The following C3 variants were observed in gnomAD, a reference collection of about 807,000 sequenced individuals.
C3 encodes C3 and PZP-like alpha-2-macroglobulin domain-containing protein 1.
In C3, 97 loss-of-function variants were observed where a neutral mutation model predicts 207.9. The ratio of observed to expected loss-of-function variants is 0.47; its 90% CI spans 0.40 to 0.55. C3 has a LOEUF of 0.55. Among genes scored for constraint, C3 ranks in the 20% least tolerant of loss-of-function variants. The pLI, the probability that C3 is intolerant of heterozygous loss-of-function variation, is 0.00. For missense variants in C3, 1,684 were observed against 2,171.7 expected, an observed-to-expected ratio of 0.78 and a Z score of 4.46; for synonymous variants, 848 against 857.6, an observed-to-expected ratio of 0.99 and a Z score of 0.20.
At chr19:6,718,501 G>C in intron 2 of C3, 89 bp from the exon 3 acceptor site, 2 of 1,487,438 alleles carry the variant, frequency 1.3e-6, no homozygotes, top group Non-Finnish European at 1.9e-6. Flanking sequence ...GTCCCTCCTT[G>C]CCTGCCCATT....
intron 36 of C3, among the ~76,000 whole-genome samples, chr19:6,679,854 C>T (rs1296976768): frequency 6.6e-6 from 1 of 152,076 alleles, no homozygotes; most frequent in African/African-American, 2.4e-5. Flanking sequence ...CCCATCAGAC[C>T]CCCAAGTCTC....
intron 15 of C3, 25 bp downstream of exon 15, chr19:6,707,775 C>T (rs1170540628): frequency 1.2e-6 from 2 of 1,612,098 alleles, no homozygotes; most frequent in Non-Finnish European, 1.7e-6. Context: ...TCTGTCCCTG[C>T]ACCGGCCCCT....
At chr19:6,715,619 G>GTTTTTTTTTTTT (rs375022094) in intron 4 of C3, among the ~76,000 whole-genome samples, 7 of 71,306 alleles carry the variant, frequency 9.8e-5, no homozygotes, top group Non-Finnish European at 1.8e-4. Flanking sequence ...TTTTTTTTTT[G>GTTTTTTTTTTTT]TTTTTTTTGT....
rs190553027 is a variant in C3 at position 6,694,788 on chromosome 19, C to T, written c.2951-154G>A. Among the ~76,000 whole-genome samples, 299 of 152,244 alleles carry T rather than the reference C, an allele frequency of 2.0e-3. 2 individuals are homozygous for T. The highest frequency in any genetic ancestry group is 1.9e-3 in the Non-Finnish European group (131 of 68,010). ...ATGTGACTGCGGGGAGGGGAGGCTG[C>T]ATGGCTGAGTGGCTGTTCGGGGGTC... is the stretch of plus-strand genomic sequence containing the variant. On this transcript the variant is annotated intron_variant, in intron 23 of 40. Transcript: ENST00000245907.
chr19:6,689,978 T>G (rs1918129182), intron 27 of C3, among the ~76,000 whole-genome samples: 1 of 151,976 alleles, frequency 6.6e-6, no homozygotes, highest in Non-Finnish European at 1.5e-5. Context: ...TGAGACTCCA[T>G]CACAAAAAAT....
chr19:6,682,154 A>T lies in C3; in HGVS notation c.4248T>A (p.Asp1416Glu), dbSNP rs1917881226. 2 of 1,613,452 alleles carry T rather than the reference A, an allele frequency of 1.2e-6. No homozygotes were observed. Among genetic ancestry groups the T allele is most frequent in the Non-Finnish European group, 1.7e-6 (2 of 1,179,528 alleles). Residue 1416 changes from aspartate (D) to glutamate (E), a missense_variant, in exon 34 of 41, where the codon GAT (aspartate) becomes GAA (glutamate). By Grantham distance (45) the Asp-to-Glu change is conservative (BLOSUM62 2). Transcript: ENST00000245907. The stretch of plus-strand genomic sequence containing the variant: ...GAGCCCTTCATACCTGCTTCAGGTC[A>T]TCTGTGTCTGGAGCAAAGCCAGTCA... ...SMMTGFAPDT[D>E]DLKQLANGVD...
intron 36 of C3, 195 bp downstream of exon 36, chr19:6,679,963 T>G (rs1917817895): frequency 1.7e-6 from 1 of 590,588 alleles, no homozygotes; most frequent in East Asian, 3.2e-5. Flanking sequence ...ACCATCATTC[T>G]CAGATCCCCT....
chr19:6,697,365 G>A lies in C3; in HGVS notation c.2775C>T (p.Val925=). The part of the protein sequence containing the change: ...AVYHHFISDG[V]RKSLKVVPEG... ...TCACCACGACCTTCAGGGACTTCCTGACACCGTCACTGATGAAATGATGGT... is the reference window on the plus strand; with the variant it reads ...TCACCACGACCTTCAGGGACTTCCTAACACCGTCACTGATGAAATGATGGT... The change falls in exon 21 of 41, where the codon GTC becomes GTT. Residue 925 remains valine (V), a synonymous_variant. Transcript: ENST00000245907. 1 of 1,613,922 alleles carries A rather than the reference G, an allele frequency of 6.2e-7. No homozygotes were observed. The highest frequency in any genetic ancestry group is 8.5e-7 in the Non-Finnish European group (1 of 1,179,858).
Position 6,677,725 on chromosome 19 carries a change from G to A in C3, c.*157C>T. On this transcript the variant is annotated 3_prime_UTR_variant, in exon 41 of 41. Transcript: ENST00000245907. ...TCAGCACACTAGCAGGCGAACGCCA[G>A]GAGAAAATGCGGTGGGAACAGGTGA... The A allele has an allele frequency of 1.1e-6, 1 of 929,602 alleles. No individual in the cohort carries two copies. The highest frequency in any genetic ancestry group is 2.6e-5 in the East Asian group (1 of 38,122). 57.6% of individuals were successfully genotyped at this position (929,602 alleles called of 1,614,324 possible).
At chr19:6,696,196 C>A (rs1016244356) in intron 23 of C3, among the ~76,000 whole-genome samples, 183 bp downstream of exon 23, 1 of 144,066 alleles carries the variant, frequency 6.9e-6, no homozygotes, top group Non-Finnish European at 1.5e-5. Context: ...GGTGACAGAG[C>A]CAGACTCTGT....
Position 6,683,260 on chromosome 19 carries a change from T to C in C3, c.4173-1031A>G, listed in dbSNP as rs527395335. On this transcript the variant is annotated intron_variant, in intron 33 of 40. Coordinates refer to ENST00000245907, the MANE Select transcript of C3 (RefSeq NM_000064.4). ...AAGATGTTTACTCCATGTTGTAAAT[T>C]ATACAAAGAGAAGAAGGCAAGCATT... The C allele has an allele frequency of 3.9e-5, 6 of 152,024 alleles. No homozygotes were observed. In the South Asian group the frequency reaches 8.3e-4, roughly 21 times the overall value. The allele number at this position is 152,024 out of a possible 1,614,324, so 9.4% of individuals were successfully genotyped here. A position where few individuals can be genotyped will look rare whatever the true frequency, so the allele number is the denominator to read the frequency against.
At chr19:6,702,444 G>T in intron 18 of C3, 27 bp downstream of exon 18, 2 of 1,469,032 alleles carry the variant, frequency 1.4e-6, no homozygotes, top group Non-Finnish European at 1.9e-6. Flanking sequence ...TCTGGGGTGG[G>T]TTGTACCGGG....
rs139457470 is a variant in C3, at chr19:6,678,178, G to A, written c.4824C>T (p.Ser1608=). 2.4e-4 allele frequency: 393 copies of A among 1,614,080 alleles called. No individual in the cohort carries two copies. Among genetic ancestry groups the A allele is most frequent in the Admixed American group, 8.8e-4 (53 of 60,006 alleles). ...EKKHYLMWGL[S]SDFWGEKPNL... The stretch of plus-strand genomic sequence containing the variant: ...TGGGCTTCTCTCCCCAGAAATCGGA[G>A]GAGAGACCCCACATGAGGTAGTGTT... Residue 1608 remains serine, a synonymous_variant, in exon 40 of 41, where the codon TCC becomes TCT. Transcript: ENST00000245907.
At chr19:6,697,247 A>T in intron 21 of C3, 97 bp downstream of exon 21, 1 of 891,134 alleles carries the variant, frequency 1.1e-6, no homozygotes, top group Non-Finnish European at 1.8e-6. Context: ...TATGATTCTT[A>T]GTGTCTCAGA....
chr19:6,702,151 C>A lies in C3; in HGVS notation c.2416G>T (p.Ala806Ser), dbSNP rs1448441857. ...KDSITTWEILAVSMSDKKGIC... is the reference protein window; with the variant it reads ...KDSITTWEILSVSMSDKKGIC... ...CCTTTCTTGTCCGACATGCTCACAG[C>A]CAGAATCTCCCACGTGGTGATGGAG... Residue 806 changes from alanine to serine, a missense_variant, in exon 19 of 41, where the codon GCT becomes TCT. By Grantham distance (99) the Ala-to-Ser change is moderately conservative. Coordinates refer to ENST00000245907, the MANE Select transcript of C3 (RefSeq NM_000064.4). 6.2e-7 allele frequency: 1 copy of A among 1,604,538 alleles called. No individual in the cohort carries two copies. The highest frequency in any genetic ancestry group is 1.3e-5 in the African/African-American group (1 of 74,780).
intron 23 of C3, among the ~76,000 whole-genome samples, chr19:6,694,913 C>G (rs1967499583): frequency 6.6e-6 from 1 of 152,144 alleles, no homozygotes; most frequent in Non-Finnish European, 1.5e-5. Flanking sequence ...TTCAGGAATA[C>G]TTATATCACG....
At chr19:6,679,023 C>A (rs1917790328) in intron 38 of C3, 102 bp downstream of exon 38, 2 of 884,070 alleles carry the variant, frequency 2.3e-6, no homozygotes, top group Non-Finnish European at 3.8e-6. Flanking sequence ...GTCACCCACA[C>A]CCACAGCCTG....
Position 6,684,573 on chromosome 19 carries a change from T to C in C3, c.4107A>G (p.Pro1369=). 6.2e-7 allele frequency: 1 copy of C among 1,613,808 alleles called. No homozygotes were observed. The highest frequency in any genetic ancestry group is 1.1e-5 in the South Asian group (1 of 91,074). ...NKFDLKVTIK[P]APETEKRPQD... ...GATTCCTTTTACCTGTTTCCGGTGCTGGTTTTATGGTGACCTTGAGGTCGA... is the reference window on the plus strand; with the variant it reads ...GATTCCTTTTACCTGTTTCCGGTGCCGGTTTTATGGTGACCTTGAGGTCGA... Residue 1369 remains proline, a synonymous_variant, in exon 32 of 41, where the codon CCA becomes CCG. Coordinates refer to ENST00000245907, the MANE Select transcript of C3 (RefSeq NM_000064.4).
At chr19:6,708,442 C>A (rs775964804) in intron 14 of C3, among the ~76,000 whole-genome samples, 10 of 152,082 alleles carry the variant, frequency 6.6e-5, no homozygotes, top group Non-Finnish European at 1.0e-4. Flanking sequence ...AGCCACCATG[C>A]CCGGCCTTCT....
Sources: allele counts gnomAD v4.1 joint callset (sites outside exome capture counted in the v4.1 genomes callset), GRCh38; gene constraint gnomAD v4.1.1; transcripts MANE v1.5; gene names NCBI Gene and HGNC (gene_info 2026-07-23, HGNC 2026-07-21).